NBDY: variants seen among roughly 807,000 people sequenced by gnomAD.
The protein encoded by NBDY is P-body dissociating protein.
At chrX:56,749,239 T>C (rs908241975) in intron 2 of NBDY, among the ~76,000 whole-genome samples, 8 of 111,149 alleles carry the variant, frequency 7.2e-5, no homozygotes, top group Non-Finnish European at 1.5e-4. Context: ...GGGTCAGTAT[T>C]GCTAAATAAC....
intron 2 of NBDY, among the ~76,000 whole-genome samples, chrX:56,750,868 C>T (rs1308827819): frequency 8.9e-6 from 1 of 111,782 alleles, no homozygotes; most frequent in African/African-American, 3.3e-5. Context: ...AGTTTTCTAA[C>T]TGATCTCCTG....
chrX:56,795,825 C>T (rs1025392713), intron 2 of NBDY, among the ~76,000 whole-genome samples: 5 of 112,605 alleles, frequency 4.4e-5, no homozygotes, highest in Non-Finnish European at 7.5e-5. Flanking sequence ...CTAGGGAAAA[C>T]GCGAGAATAA....
chrX:56,755,184 A>T (rs1031733454), intron 2 of NBDY, among the ~76,000 whole-genome samples: 5 of 112,171 alleles, frequency 4.5e-5, no homozygotes, highest in South Asian at 3.7e-4. Flanking sequence ...AACCATAAAA[A>T]CCCTAGAAGA....
chrX:56,729,695 G>GA (rs749925170), intron 1 of NBDY, 106 bp downstream of exon 1: 11 of 288,061 alleles, frequency 3.8e-5, no homozygotes, highest in Admixed American at 1.9e-4. Flanking sequence ...TTTCAAAATA[G>GA]AAAAAATAAC....
In NBDY at chrX:56,766,035, C is replaced by T. The variant is rs28523997; in HGVS notation, c.*166+33836C>T. On this transcript the variant is annotated intron_variant, in intron 2 of 2. Transcript: ENST00000374922. Reference sequence around the variant, plus strand: ...AGGTCATGAGTTTAGTCCCTCTGGTCCACCAAAAGGCTACCCACGTGTTAC... The same window carrying T: ...AGGTCATGAGTTTAGTCCCTCTGGTTCACCAAAAGGCTACCCACGTGTTAC... Among the ~76,000 whole-genome samples the T allele has an allele frequency of 6.5e-3, 725 of 111,405 alleles. 4 individuals carry two copies. The highest frequency in any genetic ancestry group is 0.011 in the Non-Finnish European group (564 of 53,152).
intron 2 of NBDY, among the ~76,000 whole-genome samples, chrX:56,764,500 G>T (rs1345805837): frequency 1.8e-5 from 2 of 110,125 alleles, no homozygotes; most frequent in Non-Finnish European, 3.8e-5. Flanking sequence ...CCCGGTGGGG[G>T]AAACCCAGGC....
At chrX:56,751,332 A>G (rs1396138614) in intron 2 of NBDY, among the ~76,000 whole-genome samples, 2 of 111,689 alleles carry the variant, frequency 1.8e-5, no homozygotes, top group African/African-American at 6.5e-5. Flanking sequence ...GCCTCTAAAA[A>G]TAATTGCTTC....
chrX:56,786,115 A>C (rs2069726233), intron 2 of NBDY, among the ~76,000 whole-genome samples: 1 of 109,984 alleles, frequency 9.1e-6, no homozygotes, highest in Admixed American at 9.6e-5. Flanking sequence ...CCTGTTTATT[A>C]TCTTTTTTTT....
At chrX:56,742,155 T>C (rs1211623953) in intron 2 of NBDY, among the ~76,000 whole-genome samples, 6 of 111,654 alleles carry the variant, frequency 5.4e-5, no homozygotes, top group African/African-American at 1.9e-4. Context: ...TGTGGATTTG[T>C]TTCTGGGTTC....
chrX:56,767,694 A>C (rs769521917), intron 2 of NBDY, among the ~76,000 whole-genome samples: 6 of 112,549 alleles, frequency 5.3e-5, no homozygotes, highest in Non-Finnish European at 9.4e-5. Context: ...TTCTTTTATA[A>C]TTATGTTTTC....
intron 2 of NBDY, among the ~76,000 whole-genome samples, chrX:56,742,334 A>C (rs2069535620): frequency 9.0e-6 from 1 of 111,484 alleles, no homozygotes; most frequent in South Asian, 3.7e-4. Flanking sequence ...GCTCCATATA[A>C]ATTTTAGGAT....
At chrX:56,739,962 A>G (rs960184447) in intron 2 of NBDY, among the ~76,000 whole-genome samples, 1 of 111,760 alleles carries the variant, frequency 8.9e-6, no homozygotes, top group Non-Finnish European at 1.9e-5. Flanking sequence ...TTCTACATCA[A>G]GGTAGAGCTT....
intron 2 of NBDY, among the ~76,000 whole-genome samples, chrX:56,801,321 C>T (rs765103687): frequency 2.7e-5 from 3 of 110,957 alleles, no homozygotes; most frequent in Non-Finnish European, 5.7e-5. Context: ...CTTCCTCCTC[C>T]TCCTCTTTTT....
intron 2 of NBDY, among the ~76,000 whole-genome samples, chrX:56,752,410 G>A (rs763028733): frequency 9.1e-6 from 1 of 110,360 alleles, no homozygotes; most frequent in African/African-American, 3.3e-5. Context: ...ATTGGTGTGA[G>A]ATTTTTTTTA....
chrX:56,810,403 G>A (rs1274291052), intron 2 of NBDY, among the ~76,000 whole-genome samples: 2 of 110,586 alleles, frequency 1.8e-5, no homozygotes, highest in African/African-American at 6.6e-5. Context: ...TGTAGTTTTG[G>A]TCTTTCCACA....
At chrX:56,746,640 G>A (rs929352934) in intron 2 of NBDY, among the ~76,000 whole-genome samples, 5 of 110,193 alleles carry the variant, frequency 4.5e-5, no homozygotes, top group South Asian at 3.9e-4. Flanking sequence ...GCAGAATTCC[G>A]TTCCTTGCCA....
chrX:56,815,425 A>G (rs187327610), intron 2 of NBDY, among the ~76,000 whole-genome samples: 25 of 112,053 alleles, frequency 2.2e-4, no homozygotes, highest in Admixed American at 2.1e-3. Context: ...AATAAATCAA[A>G]CATATACTAT....
chrX:56,806,595 C>A (rs978563406), intron 2 of NBDY, among the ~76,000 whole-genome samples: 1 of 112,132 alleles, frequency 8.9e-6, no homozygotes, highest in Non-Finnish European at 1.9e-5. Flanking sequence ...TTTATATGTT[C>A]ATTGGCTGCA....
chrX:56,764,318 G>A (rs1602657466), intron 2 of NBDY, among the ~76,000 whole-genome samples: 4 of 112,056 alleles, frequency 3.6e-5, no homozygotes, highest in South Asian at 7.5e-4. Context: ...AACGGCCCCC[G>A]TCTCGGCCAG....
Sources: allele counts gnomAD v4.1 joint callset (sites outside exome capture counted in the v4.1 genomes callset), GRCh38; gene constraint gnomAD v4.1.1; transcripts MANE v1.5; gene names NCBI Gene and HGNC (gene_info 2026-07-23, HGNC 2026-07-21).